Variants in ADGRL2 observed in about 807,000 individuals in gnomAD.
ADGRL2 encodes the protein adhesion G protein-coupled receptor L2, also known as calcium-independent alpha-latrotoxin receptor 2.
ADGRL2 carries 44 observed loss-of-function variants against 157.4 expected under a neutral mutation model. The observed-to-expected ratio is 0.28, with a 90% confidence interval of 0.22 to 0.36. The LOEUF (loss-of-function observed/expected upper bound fraction) is 0.36, where lower values mean the gene tolerates loss of function less well. Ranked by LOEUF, ADGRL2 falls within the 10% of genes least tolerant of loss-of-function variation. The pLI is 1.00. For synonymous variants in ADGRL2, 585 were observed against 624.7 expected, an observed-to-expected ratio of 0.94 and a Z score of 0.95; for missense variants, 1,510 against 1,768.9, an observed-to-expected ratio of 0.85 and a Z score of 2.63.
intron 1 of ADGRL2, among the ~76,000 whole-genome samples, chr1:81,420,106 C>G (rs2077099665): frequency 6.6e-6 from 1 of 152,116 alleles, no homozygotes; most frequent in Non-Finnish European, 1.5e-5. Flanking sequence ...GCAACCTAAC[C>G]TGTAATCTAC....
At chr1:81,521,089 A>G (rs887908535) in intron 2 of ADGRL2, among the ~76,000 whole-genome samples, 2 of 152,238 alleles carry the variant, frequency 1.3e-5, no homozygotes, top group African/African-American at 2.4e-5. Flanking sequence ...AGGAAACGTC[A>G]TCTTTATTCT....
chr1:81,483,878 T>C (rs1464499367), intron 2 of ADGRL2, among the ~76,000 whole-genome samples: 1 of 152,216 alleles, frequency 6.6e-6, no homozygotes, highest in Admixed American at 6.5e-5. Context: ...GAACATTCCC[T>C]AAATCATGGT....
chr1:81,474,777 A>G (rs189142614), intron 2 of ADGRL2, among the ~76,000 whole-genome samples: 1 of 152,216 alleles, frequency 6.6e-6, no homozygotes, highest in African/African-American at 2.4e-5. Flanking sequence ...TAAGATCCTT[A>G]TGAAATTTCT....
At chr1:81,573,514 T>A (rs2080736977) in intron 2 of ADGRL2, among the ~76,000 whole-genome samples, 1 of 152,148 alleles carries the variant, frequency 6.6e-6, no homozygotes, top group Non-Finnish European at 1.5e-5. Context: ...CCAGCAATAC[T>A]ATTGCAATAG....
intron 1 of ADGRL2, among the ~76,000 whole-genome samples, chr1:81,332,809 A>C (rs761787694): frequency 2.6e-5 from 4 of 152,236 alleles, no homozygotes; most frequent in Non-Finnish European, 4.4e-5. Flanking sequence ...GTAGAACTTC[A>C]TATGAAATTT....
chr1:81,902,628 GT>G (rs1212275444), intron 2 of ADGRL2, among the ~76,000 whole-genome samples: 1 of 150,266 alleles, frequency 6.7e-6, no homozygotes, highest in East Asian at 2.0e-4. Flanking sequence ...GTGGGGGGCA[GT>G]TCTGTCAGTC....
At chr1:81,753,253 G>C (rs1219925381) in intron 1 of ADGRL2, among the ~76,000 whole-genome samples, 1 of 152,176 alleles carries the variant, frequency 6.6e-6, no homozygotes, top group Non-Finnish European at 1.5e-5. Flanking sequence ...AGGCAAGAAG[G>C]AGCAAGTCAC....
chr1:81,422,496 C>T (rs1447742627), intron 1 of ADGRL2, among the ~76,000 whole-genome samples: 1 of 152,214 alleles, frequency 6.6e-6, no homozygotes, highest in Non-Finnish European at 1.5e-5. Flanking sequence ...CCACCCGCCT[C>T]GGCCTCCCAA....
chr1:81,743,198 A>G (rs2085128029), intron 1 of ADGRL2, among the ~76,000 whole-genome samples: 1 of 151,996 alleles, frequency 6.6e-6, no homozygotes, highest in South Asian at 2.1e-4. Context: ...AAGGGTTCTT[A>G]GAGCAAACCT....
chr1:81,454,044 A>G (rs2077752457), intron 2 of ADGRL2, among the ~76,000 whole-genome samples: 1 of 152,182 alleles, frequency 6.6e-6, no homozygotes, highest in South Asian at 2.1e-4. Flanking sequence ...CCGGCAAATA[A>G]TGTTTCGTTT....
At chr1:81,549,366 C>T (rs570008705) in intron 2 of ADGRL2, among the ~76,000 whole-genome samples, 1 of 152,292 alleles carries the variant, frequency 6.6e-6, no homozygotes, top group African/African-American at 2.4e-5. Context: ...GATTCTGGCT[C>T]TGCAACCACA....
chr1:81,888,551 G>A (rs377502614), intron 2 of ADGRL2, among the ~76,000 whole-genome samples: 11 of 152,048 alleles, frequency 7.2e-5, no homozygotes, highest in African/African-American at 1.7e-4. Context: ...CCATTCTCCC[G>A]CCTCAGCCTC....
intron 3 of ADGRL2, among the ~76,000 whole-genome samples, chr1:81,625,987 C>A (rs2081900917): frequency 6.6e-6 from 1 of 152,140 alleles, no homozygotes; most frequent in Admixed American, 6.5e-5. Flanking sequence ...AGTGAGTAGC[C>A]TGCAGCAATC....
intron 2 of ADGRL2, among the ~76,000 whole-genome samples, chr1:81,856,801 A>G (rs764387600): frequency 2.6e-5 from 4 of 151,798 alleles, no homozygotes; most frequent in Non-Finnish European, 5.9e-5. Flanking sequence ...ATACTTAATT[A>G]CAGAATTAAA....
At chr1:81,673,256 C>T (rs2082911123) in intron 3 of ADGRL2, among the ~76,000 whole-genome samples, 2 of 152,070 alleles carry the variant, frequency 1.3e-5, no homozygotes, top group African/African-American at 4.8e-5. Context: ...CAGAGTAATT[C>T]TATTTGATCT....
intron 3 of ADGRL2, among the ~76,000 whole-genome samples, chr1:81,626,505 A>G (rs1557517124): frequency 1.3e-5 from 2 of 152,266 alleles, no homozygotes; most frequent in East Asian, 3.9e-4. Context: ...AAGTTTCACC[A>G]TTCGGTAATC....
At chr1:81,736,259 A>G (rs1209640309) in intron 1 of ADGRL2, among the ~76,000 whole-genome samples, 1 of 151,906 alleles carries the variant, frequency 6.6e-6, no homozygotes, top group African/African-American at 2.4e-5. Flanking sequence ...ATAATGAATT[A>G]ATGATTTTGT....
At chr1:81,408,406 C>G (rs916018229) in intron 1 of ADGRL2, among the ~76,000 whole-genome samples, 3 of 152,042 alleles carry the variant, frequency 2.0e-5, no homozygotes, top group Non-Finnish European at 4.4e-5. Flanking sequence ...AAATATAAAC[C>G]ATTCCTCACT....
intron 6 of ADGRL2, among the ~76,000 whole-genome samples, chr1:81,945,315 A>C (rs1572279971): frequency 6.6e-6 from 1 of 152,200 alleles, no homozygotes; most frequent in East Asian, 1.9e-4. Flanking sequence ...ATTGGCTAAA[A>C]TTGTATTGAT....
Sources: allele counts gnomAD v4.1 joint callset (sites outside exome capture counted in the v4.1 genomes callset), GRCh38; gene constraint gnomAD v4.1.1; transcripts MANE v1.5; gene names NCBI Gene and HGNC (gene_info 2026-07-23, HGNC 2026-07-21).